LHFPL3: variants seen among roughly 807,000 people sequenced by gnomAD.
LHFPL3 encodes LHFPL tetraspan subfamily member 3 protein.
A neutral mutation model predicts 19.3 loss-of-function variants in LHFPL3; 5 were observed. The observed-to-expected ratio is 0.26, with a 90% CI of 0.14 to 0.54. The LOEUF (loss-of-function observed/expected upper bound fraction) is 0.54. Among genes scored for constraint, LHFPL3 ranks in the 20% least tolerant of loss-of-function variants. The pLI, the probability that LHFPL3 is intolerant of heterozygous loss-of-function variation, is 0.94. For missense variants in LHFPL3, 249 were observed against 307.4 expected (o/e 0.81, Z 1.42); for synonymous variants, 133 against 126.2 (o/e 1.05, Z -0.36).
intron 1 of LHFPL3, among the ~76,000 whole-genome samples, chr7:104,580,108 T>C (rs560757221): frequency 3.9e-4 from 60 of 152,326 alleles, no homozygotes; most frequent in Non-Finnish European, 7.5e-4. Context: ...CAGGAGATTA[T>C]AGAAATTAAA....
chr7:104,851,429 A>G (rs549121680), intron 2 of LHFPL3, among the ~76,000 whole-genome samples: 1 of 152,052 alleles, frequency 6.6e-6, no homozygotes, highest in Non-Finnish European at 1.5e-5. Context: ...GGAGAGTTGG[A>G]GATTTAGTGA....
intron 1 of LHFPL3, among the ~76,000 whole-genome samples, chr7:104,679,218 C>T (rs1269252742): frequency 6.6e-6 from 1 of 152,206 alleles, no homozygotes; most frequent in African/African-American, 2.4e-5. Flanking sequence ...AGCCTCAGCT[C>T]CTTACTGGTT....
chr7:104,810,914 A>G (rs1181948108), intron 2 of LHFPL3, among the ~76,000 whole-genome samples: 1 of 152,220 alleles, frequency 6.6e-6, no homozygotes, highest in Non-Finnish European at 1.5e-5. Context: ...ATTAAGACAC[A>G]TTTTATGGTT....
chr7:104,879,525 G>A (rs1792008293), intron 2 of LHFPL3, among the ~76,000 whole-genome samples: 1 of 152,112 alleles, frequency 6.6e-6, no homozygotes, highest in African/African-American at 2.4e-5. Context: ...TTCGAGACCA[G>A]CCTAGGCAAT....
At chr7:104,680,638 C>T (rs1267527601) in intron 1 of LHFPL3, among the ~76,000 whole-genome samples, 1 of 152,172 alleles carries the variant, frequency 6.6e-6, no homozygotes, top group African/African-American at 2.4e-5. Context: ...ATCCTGAAAG[C>T]CTTTTGGAGG....
intron 1 of LHFPL3, among the ~76,000 whole-genome samples, chr7:104,539,273 A>C (rs1265138423): frequency 2.0e-5 from 3 of 152,126 alleles, no homozygotes; most frequent in Non-Finnish European, 4.4e-5. Flanking sequence ...GAGAACCCAA[A>C]GTTAGAGACA....
chr7:104,386,443 G>A (rs1790945448), intron 1 of LHFPL3, among the ~76,000 whole-genome samples: 1 of 152,138 alleles, frequency 6.6e-6, no homozygotes, highest in Admixed American at 6.5e-5. Context: ...AAAGAGCCTG[G>A]CTAAAAACCT....
In LHFPL3 at chr7:104,545,755, G is replaced by T. The variant is rs140657650; in HGVS notation, c.446-190920G>T. Among the ~76,000 whole-genome samples, 1,212 of 152,198 alleles carry T rather than the reference G, an allele frequency of 8.0e-3. 29 individuals carry two copies. The highest frequency in any genetic ancestry group is 0.048 in the Admixed American group (734 of 15,284). ...AATTCCTTTCTACCATCCTTCAAAG[G>T]CTCCCATAATTGGAGCTCACTGCTT... On this transcript the variant is annotated intron_variant, in intron 1 of 2. Transcript: ENST00000424859.
At chr7:104,647,090 T>C (rs558299465) in intron 1 of LHFPL3, among the ~76,000 whole-genome samples, 2 of 152,362 alleles carry the variant, frequency 1.3e-5, no homozygotes, top group South Asian at 4.1e-4. Context: ...AAGGGCAGCC[T>C]GAATTAGTTA....
chr7:104,390,493 T>G (rs1301660415), intron 1 of LHFPL3, among the ~76,000 whole-genome samples: 1 of 152,096 alleles, frequency 6.6e-6, no homozygotes, highest in African/African-American at 2.4e-5. Context: ...CAGCTCCATG[T>G]CCCTACAAAG....
Position 104,645,186 on chromosome 7 carries a change from C to T in LHFPL3, c.446-91489C>T, listed in dbSNP as rs889124825. On this transcript the variant is annotated intron_variant, in intron 1 of 2. Transcript: ENST00000424859. ...CCCAGGCATTCTTCACTGGGTGGGC[C>T]GGGGTTATGGCTAATGAGGCTGGCC... Among the ~76,000 whole-genome samples the T allele has an allele frequency of 6.6e-5, 10 of 152,098 alleles. No individual in the cohort carries two copies. The East Asian group carries it at 1.5e-3, about 23-fold the overall frequency.
chr7:104,417,396 G>A (rs998206020), intron 1 of LHFPL3, among the ~76,000 whole-genome samples: 1 of 152,028 alleles, frequency 6.6e-6, no homozygotes, highest in Non-Finnish European at 1.5e-5. Context: ...ATTTTTAAAA[G>A]TTTCTTTGTA....
At chr7:104,827,664 A>G (rs964221250) in intron 2 of LHFPL3, among the ~76,000 whole-genome samples, 2 of 151,312 alleles carry the variant, frequency 1.3e-5, no homozygotes, top group African/African-American at 4.9e-5. Flanking sequence ...TGACCTTTCC[A>G]TAGAGAGGCC....
At chr7:104,388,959 C>G (rs1791005020) in intron 1 of LHFPL3, among the ~76,000 whole-genome samples, 1 of 152,110 alleles carries the variant, frequency 6.6e-6, no homozygotes, top group Admixed American at 6.6e-5. Context: ...CTCTTAAGAT[C>G]AGAAACAAGA....
rs17141055 is a variant in LHFPL3, at chr7:104,742,065, A to G, written c.682+5154A>G. ...TTAATTGCATATTTTAACACACTGA[A>G]CTGTGAAGTCAATTTAATTATGTAA... On this transcript the variant is annotated intron_variant, in intron 2 of 2. Transcript: ENST00000424859. Among the ~76,000 whole-genome samples, 691 of 152,306 alleles carry G rather than the reference A, an allele frequency of 4.5e-3. 28 individuals are homozygous for G. The East Asian group carries it at 0.099, about 22-fold the overall frequency.
At chr7:104,516,165 CA>C (rs1793916841) in intron 1 of LHFPL3, among the ~76,000 whole-genome samples, 1 of 152,032 alleles carries the variant, frequency 6.6e-6, no homozygotes, top group African/African-American at 2.4e-5. Flanking sequence ...GAAGGGGAAA[CA>C]AACACATCCT....
chr7:104,670,257 G>C (rs190925679), intron 1 of LHFPL3, among the ~76,000 whole-genome samples: 26 of 152,022 alleles, frequency 1.7e-4, no homozygotes, highest in Non-Finnish European at 2.6e-4. Flanking sequence ...GGAAGCTTTT[G>C]GGAATTGATG....
Position 104,365,796 on chromosome 7 carries a change from A to AAAAAG in LHFPL3, c.445+36576_445+36577insGAAAA, listed in dbSNP as rs1167701944. On this transcript the variant is annotated intron_variant, in intron 1 of 2. Coordinates refer to ENST00000424859, the MANE Select transcript of LHFPL3 (RefSeq NM_199000.3). ...GAGCGAGACTCCGTCTCAAAAAAAA[A>AAAAAG]AAAAAAAAAGAAAAGCCTCTTTCCA... Among the ~76,000 whole-genome samples the AAAAAG allele has an allele frequency of 5.3e-3, 738 of 137,974 alleles. 47 individuals carry two copies. The highest frequency in any genetic ancestry group is 0.018 in the African/African-American group (702 of 38,014). The allele number at this position is 137,974 out of a possible 152,430, so 90.5% of individuals were successfully genotyped here.
At chr7:104,825,636 A>C (rs1790803238) in intron 2 of LHFPL3, among the ~76,000 whole-genome samples, 1 of 151,938 alleles carries the variant, frequency 6.6e-6, no homozygotes, top group South Asian at 2.1e-4. Context: ...TTTTCCTTCA[A>C]ATAGTATGAA....
Sources: allele counts gnomAD v4.1 joint callset (sites outside exome capture counted in the v4.1 genomes callset), GRCh38; gene constraint gnomAD v4.1.1; transcripts MANE v1.5; gene names NCBI Gene and HGNC (gene_info 2026-07-23, HGNC 2026-07-21).